Variants in SLC14A1 observed in about 807,000 individuals in gnomAD.
SLC14A1 encodes the protein solute carrier family 14 member 1 (Kidd blood group).
SLC14A1 carries 36 observed loss-of-function variants against 39.6 expected under a neutral mutation model. The ratio of observed to expected loss-of-function variants is 0.91; its 90% CI spans 0.70 to 1.20. The LOEUF is 1.20. Ranked by LOEUF, SLC14A1 falls within the 50% of genes most tolerant of loss-of-function variation. The pLI is 0.00. For missense variants in SLC14A1, 469 were observed against 478.7 expected (o/e 0.98, Z 0.19); for synonymous variants, 164 against 173.6 (o/e 0.94, Z 0.43).
In SLC14A1 at chr18:45,750,806, C is replaced by A. The variant is rs1196466533; in HGVS notation, c.*855C>A. On this transcript the variant is annotated 3_prime_UTR_variant, in exon 10 of 10. Transcript: ENST00000321925. ...CTCAGCTTAGGCATTTTTACTTTAA[C>A]CCCTAAATTGATTTTGTAAATGCCA... The A allele has an allele frequency of 2.8e-5, 28 of 984,682 alleles. No homozygotes were observed. Among genetic ancestry groups the A allele is most frequent in the Non-Finnish European group, 3.3e-5 (27 of 829,446 alleles). 61.0% of individuals were successfully genotyped at this position (984,682 alleles called of 1,614,324 possible). A position where few individuals can be genotyped will look rare whatever the true frequency, so the allele number is the denominator to read the frequency against.
At chr18:45,736,395 C>A in intron 5 of SLC14A1, 61 bp from the exon 6 acceptor site, 1 of 1,527,708 alleles carries the variant, frequency 6.5e-7, no homozygotes, top group Non-Finnish European at 9.1e-7. Flanking sequence ...CAGAGTATAG[C>A]GATTCCGTGT....
chr18:45,727,589 T>C (rs1220065937), intron 2 of SLC14A1, among the ~76,000 whole-genome samples: 1 of 152,228 alleles, frequency 6.6e-6, no homozygotes, highest in Admixed American at 6.5e-5. Flanking sequence ...GTTTAGAGGC[T>C]AGACCATTGA....
Position 45,748,358 on chromosome 18 carries a change from TC to T in SLC14A1, c.947-16del. 1 of 1,613,724 alleles carries T rather than the reference TC, an allele frequency of 6.2e-7. No homozygotes were observed. The highest frequency in any genetic ancestry group is 8.5e-7 in the Non-Finnish European group (1 of 1,179,618). On this transcript the variant is annotated splice_polypyrimidine_tract_variant and intron_variant, in intron 8 of 9. Coordinates refer to ENST00000321925, the MANE Select transcript of SLC14A1 (RefSeq NM_015865.7). ...CATCTACGAAGCATTGTTCTTTCCCTCCTTTTTTTTTCTGTAGCCCTGTTCA... is the reference window on the plus strand; with the variant it reads ...CATCTACGAAGCATTGTTCTTTCCCTCTTTTTTTTTCTGTAGCCCTGTTCA...
At chr18:45,740,910 G>A (rs999056164) in intron 8 of SLC14A1, among the ~76,000 whole-genome samples, 10 of 152,182 alleles carry the variant, frequency 6.6e-5, no homozygotes, top group Non-Finnish European at 1.2e-4. Context: ...AAGAACTGCT[G>A]TATTAATCCT....
At chr18:45,741,954 G>T (rs1295655390) in intron 8 of SLC14A1, among the ~76,000 whole-genome samples, 1 of 152,194 alleles carries the variant, frequency 6.6e-6, no homozygotes, top group Non-Finnish European at 1.5e-5. Flanking sequence ...AAACACACAT[G>T]ATACAAAAGA....
chr18:45,739,050 G>T lies in SLC14A1; in HGVS notation c.664-113G>T. The T allele has an allele frequency of 3.6e-6, 4 of 1,113,996 alleles. No homozygotes were observed. The Admixed American group carries it at 6.8e-5, about 19-fold the overall frequency. 69.0% of individuals were successfully genotyped at this position (1,113,996 alleles called of 1,614,324 possible). On this transcript the variant is annotated intron_variant, in intron 6 of 9. Coordinates refer to ENST00000321925, the MANE Select transcript of SLC14A1 (RefSeq NM_015865.7). ...TTTAAATGGTATTAACACTGTTCTT[G>T]AAAGAGGTAAGGTATGTCCAATCTA...
At position 45,734,343 on chromosome 18, in the gene SLC14A1, G is replaced by C. The variant is rs145134908; in HGVS notation, c.411G>C (p.Ser137=). The stretch of plus-strand genomic sequence containing the variant: ...TGGGAGTACTCATGGCTGTCTTTTC[G>C]GACAAGGGAGACTATTTCTGGTGGC... ...TLVGVLMAVF[S]DKGDYFWWLL... The change falls in exon 5 of 10, where the codon TCG becomes TCC. Residue 137 remains serine, a synonymous_variant. Coordinates refer to ENST00000321925, the MANE Select transcript of SLC14A1 (RefSeq NM_015865.7). 2 of 1,613,878 alleles carry C rather than the reference G, an allele frequency of 1.2e-6. No homozygotes were observed. Among genetic ancestry groups the C allele is most frequent in the African/African-American group, 1.3e-5 (1 of 74,972 alleles).
intron 8 of SLC14A1, among the ~76,000 whole-genome samples, chr18:45,740,806 G>T (rs565153): frequency 0.26 from 39,374 of 152,148 alleles, 6,540 homozygotes; most frequent in Non-Finnish European, 0.37. Flanking sequence ...CCAAAGTGCT[G>T]GGATTACAGG....
chr18:45,739,807 A>C, intron 8 of SLC14A1, 145 bp downstream of exon 8: 1 of 968,152 alleles, frequency 1.0e-6, no homozygotes. Context: ...GAACAGGACA[A>C]GTGACGTCCC....
Position 45,751,919 on chromosome 18 carries a change from C to G in SLC14A1, c.*1968C>G. The G allele has an allele frequency of 1.0e-6, 1 of 985,246 alleles. No homozygotes were observed. Among genetic ancestry groups the G allele is most frequent in the Non-Finnish European group, 1.2e-6 (1 of 829,874 alleles). 61.0% of individuals were successfully genotyped at this position (985,246 alleles called of 1,614,324 possible). A position where few individuals can be genotyped will look rare whatever the true frequency, so the allele number is the denominator to read the frequency against. On this transcript the variant is annotated 3_prime_UTR_variant, in exon 10 of 10. Coordinates refer to ENST00000321925, the MANE Select transcript of SLC14A1 (RefSeq NM_015865.7). ...GGAATCCTGAAGATTTTTTCCACTT[C>G]TAGTTTGCAGTGCTCAGTGCACAAT... is the stretch of plus-strand genomic sequence containing the variant.
rs139053682 is a variant in SLC14A1 at position 45,731,056 on chromosome 18, G to A, written c.193G>A (p.Gly65Ser). ...CCAGTTCATTGACTGGATTCTCCGG[G>A]GCATATCCCAAGTGGTGTTCGTCAA... ...VLQFIDWILR[G>S]ISQVVFVNNP... is the part of the protein sequence containing the mutation. Residue 65 changes from glycine (G) to serine (S), a missense_variant, in exon 4 of 10, where the codon GGC becomes AGC. Physicochemically the swap from Gly to Ser is moderately conservative, Grantham distance 56. Coordinates refer to ENST00000321925, the MANE Select transcript of SLC14A1 (RefSeq NM_015865.7). The A allele has an allele frequency of 8.1e-5, 131 of 1,614,106 alleles. No individual in the cohort carries two copies. The African/African-American group carries it at 1.6e-3, about 20-fold the overall frequency.
intron 4 of SLC14A1, among the ~76,000 whole-genome samples, chr18:45,731,858 C>G (rs1427623421): frequency 6.6e-6 from 1 of 152,214 alleles, no homozygotes; most frequent in South Asian, 2.1e-4. Flanking sequence ...AACCAGTATT[C>G]CAGGTGTCTG....
rs186174528 is a variant in SLC14A1, at chr18:45,727,256, T to C, written c.-22+2243T>C. ...ACATATTTTTGCCCTTTGTCATGTA[T>C]TGAGAAAAAGTAAGGATGAATGGAC... is the stretch of plus-strand genomic sequence containing the variant. On this transcript the variant is annotated intron_variant, in intron 2 of 9. Coordinates refer to ENST00000321925, the MANE Select transcript of SLC14A1 (RefSeq NM_015865.7). 6.4e-6 allele frequency: 10 copies of C among 1,551,428 alleles called. No individual in the cohort carries two copies. In the African/African-American group the frequency reaches 6.8e-5, roughly 11 times the overall value.
Position 45,750,571 on chromosome 18 carries a change from T to C in SLC14A1, c.*620T>C. 1 of 987,192 alleles carries C rather than the reference T, an allele frequency of 1.0e-6. No homozygotes were observed. Among genetic ancestry groups the C allele is most frequent in the Non-Finnish European group, 1.2e-6 (1 of 831,142 alleles). 61.2% of individuals were successfully genotyped at this position (987,192 alleles called of 1,614,324 possible). ...GGGACAATGTTGGGGTTTTTCAGAC[T>C]GACAGGACTGCAAGAGGGAGAAAGG... On this transcript the variant is annotated 3_prime_UTR_variant, in exon 10 of 10. Coordinates refer to ENST00000321925, the MANE Select transcript of SLC14A1 (RefSeq NM_015865.7).
intron 2 of SLC14A1, 79 bp downstream of exon 2, chr18:45,725,092 T>C (rs1248067256): frequency 1.3e-5 from 2 of 152,238 alleles, no homozygotes; most frequent in African/African-American, 2.4e-5. Context: ...TTCTTCTATA[T>C]CCATATCCAA....
chr18:45,734,079 A>C (rs1179280476), intron 4 of SLC14A1, 195 bp from the exon 5 acceptor site: 1 of 649,608 alleles, frequency 1.5e-6, no homozygotes, highest in Admixed American at 2.6e-5. Flanking sequence ...GCACATTTAT[A>C]TTTTTATCTA....
chr18:45,725,017 A>G lies in SLC14A1; in HGVS notation c.-22+4A>G, dbSNP rs1426971619. ...ACTACCTAAAATAAAGATTATAGTA[A>G]GTACCAAATAAGTGTCAATGCTGAA... On this transcript the variant is annotated splice_donor_region_variant and intron_variant, in intron 2 of 9. Transcript: ENST00000321925. The G allele has an allele frequency of 6.6e-6, 1 of 152,252 alleles. No homozygotes were observed. The highest frequency in any genetic ancestry group is 1.5e-5 in the Non-Finnish European group (1 of 68,038). The allele number at this position is 152,252 out of a possible 1,614,324, so 9.4% of individuals were successfully genotyped here.
intron 3 of SLC14A1, 56 bp downstream of exon 3, chr18:45,730,527 T>C (rs1178199844): frequency 7.6e-6 from 12 of 1,579,412 alleles, no homozygotes; most frequent in Non-Finnish European, 8.7e-6. Flanking sequence ...GGGGAAATGG[T>C]TTCCTGGTAC....
chr18:45,735,460 CTTT>C (rs1397959169), intron 5 of SLC14A1, among the ~76,000 whole-genome samples: 1 of 151,944 alleles, frequency 6.6e-6, no homozygotes, highest in African/African-American at 2.4e-5. Flanking sequence ...TGCTGAATTC[CTTT>C]TTTTTCAAAC....
Sources: allele counts gnomAD v4.1 joint callset (sites outside exome capture counted in the v4.1 genomes callset), GRCh38; gene constraint gnomAD v4.1.1; transcripts MANE v1.5; gene names NCBI Gene and HGNC (gene_info 2026-07-23, HGNC 2026-07-21).